The following PTPN2 variants were observed in gnomAD, a reference collection of about 807,000 sequenced individuals.
The protein encoded by PTPN2 is tyrosine-protein phosphatase non-receptor type 2.
PTPN2 carries 19 observed loss-of-function variants against 57.3 expected under a neutral mutation model. The observed-to-expected ratio is 0.33, with a 90% CI of 0.23 to 0.49. The LOEUF (loss-of-function observed/expected upper bound fraction) is 0.49. Ranked by LOEUF, PTPN2 falls within the 20% of genes least tolerant of loss-of-function variation. The pLI is 0.99. For missense variants in PTPN2, 358 were observed against 501.1 expected, an observed-to-expected ratio of 0.71 and a Z score of 2.73; for synonymous variants, 153 against 164.9, an observed-to-expected ratio of 0.93 and a Z score of 0.55.
intron 1 of PTPN2, among the ~76,000 whole-genome samples, chr18:12,883,161 AT>A (rs2044720112): frequency 6.6e-6 from 1 of 152,116 alleles, no homozygotes; most frequent in South Asian, 2.1e-4. Context: ...AGGAAAGGCT[AT>A]TTTGATTTGA....
intron 2 of PTPN2, among the ~76,000 whole-genome samples, chr18:12,855,885 T>C (rs1018565484): frequency 6.6e-6 from 1 of 152,236 alleles, no homozygotes; most frequent in African/African-American, 2.4e-5. Context: ...CAAAGTAATA[T>C]GCTTCACTAC....
At chr18:12,852,191 A>AACACACACAC (rs139964591) in intron 2 of PTPN2, among the ~76,000 whole-genome samples, 15,970 of 140,340 alleles carry the variant, frequency 0.11, 1,046 homozygotes, top group Non-Finnish European at 0.14. Context: ...ATGGGTTTTT[A>AACACACACAC]ACACACACAC....
At chr18:12,810,298 A>T (rs1303940185) in intron 7 of PTPN2, among the ~76,000 whole-genome samples, 1 of 151,934 alleles carries the variant, frequency 6.6e-6, no homozygotes, top group Non-Finnish European at 1.5e-5. Context: ...TGGGAGGCGG[A>T]GGTTGCAGTG....
At chr18:12,865,994 TTAA>T (rs1176347284) in intron 1 of PTPN2, among the ~76,000 whole-genome samples, 1 of 152,194 alleles carries the variant, frequency 6.6e-6, no homozygotes, top group African/African-American at 2.4e-5. Flanking sequence ...GGTAGCACTT[TTAA>T]TAATAGCTAA....
At chr18:12,810,688 TTAG>T (rs2041861697) in intron 7 of PTPN2, among the ~76,000 whole-genome samples, 1 of 152,174 alleles carries the variant, frequency 6.6e-6, no homozygotes, top group Non-Finnish European at 1.5e-5. Context: ...TGGAGAACAG[TTAG>T]TAGTACAGTT....
chr18:12,852,041 G>C (rs1489211167), intron 2 of PTPN2, among the ~76,000 whole-genome samples: 1 of 152,092 alleles, frequency 6.6e-6, no homozygotes, highest in Admixed American at 6.5e-5. Flanking sequence ...CCAGGGGCTG[G>C]GGGAAGAGGA....
intron 4 of PTPN2, among the ~76,000 whole-genome samples, chr18:12,827,392 AT>A (rs1235989794): frequency 3.3e-5 from 3 of 89,694 alleles, no homozygotes; most frequent in African/African-American, 1.0e-4. Flanking sequence ...AGGAAAATAA[AT>A]AATTTTTTTT....
At chr18:12,844,641 T>C (rs1287204380) in intron 2 of PTPN2, among the ~76,000 whole-genome samples, 13 of 152,202 alleles carry the variant, frequency 8.5e-5, no homozygotes, top group Admixed American at 8.5e-4. Context: ...GTTCTATATA[T>C]AGTCCAGATC....
At chr18:12,869,492 T>C (rs1050881768) in intron 1 of PTPN2, among the ~76,000 whole-genome samples, 6 of 152,234 alleles carry the variant, frequency 3.9e-5, no homozygotes, top group African/African-American at 1.4e-4. Context: ...TCTATATTAC[T>C]GCAACTTAAT....
chr18:12,842,406 G>A (rs77096167), intron 2 of PTPN2, among the ~76,000 whole-genome samples: 3,719 of 152,246 alleles, frequency 0.024, 160 homozygotes, highest in African/African-American at 0.084. Context: ...AAGTATATGA[G>A]TAATAAATGC....
intron 5 of PTPN2, among the ~76,000 whole-genome samples, chr18:12,825,390 T>C (rs1235934564): frequency 6.6e-6 from 1 of 152,044 alleles, no homozygotes; most frequent in African/African-American, 2.4e-5. Context: ...CACATCCTCA[T>C]TTGACCTTCA....
At chr18:12,874,108 G>A (rs1284168998) in intron 1 of PTPN2, among the ~76,000 whole-genome samples, 1 of 152,104 alleles carries the variant, frequency 6.6e-6, no homozygotes. Context: ...CCCTGTCTGG[G>A]AAGTGAGGAG....
At chr18:12,807,584 A>ATATAT (rs1555660747) in intron 7 of PTPN2, among the ~76,000 whole-genome samples, 32 of 55,006 alleles carry the variant, frequency 5.8e-4, no homozygotes, top group African/African-American at 1.5e-3. Flanking sequence ...AAAAAAAAAA[A>ATATAT]AAATATATAT....
intron 7 of PTPN2, among the ~76,000 whole-genome samples, chr18:12,807,586 A>AATATATATATATATATATAT (rs1339941310): frequency 8.5e-5 from 3 of 35,186 alleles, no homozygotes; most frequent in South Asian, 2.5e-3. Context: ...AAAAAAAAAA[A>AATATATATATATATATATAT]ATATATATAT....
intron 2 of PTPN2, among the ~76,000 whole-genome samples, chr18:12,847,253 G>A (rs76467933): frequency 1.1e-4 from 16 of 152,246 alleles, no homozygotes; most frequent in Non-Finnish European, 2.2e-4. Flanking sequence ...CACCCTCTGC[G>A]TGAATACCTC....
Position 12,794,102 on chromosome 18 carries a change from C to A in PTPN2, c.*176G>T, listed in dbSNP as rs2041072597. On this transcript the variant is annotated 3_prime_UTR_variant, in exon 9 of 9. Transcript: ENST00000309660. ...TTTACAGTTTGGGGTTCAGAGGAAC[C>A]TGCAGTCAAGAGTCCTGAGATGTTG... The A allele has an allele frequency of 7.0e-7, 1 of 1,434,380 alleles. No individual in the cohort carries two copies. The highest frequency in any genetic ancestry group is 1.5e-5 in the South Asian group (1 of 65,116). 88.9% of individuals were successfully genotyped at this position (1,434,380 alleles called of 1,614,324 possible).
intron 1 of PTPN2, chr18:12,883,856 T>G (rs1312010934): frequency 2.5e-5 from 12 of 480,012 alleles, no homozygotes; most frequent in Non-Finnish European, 4.4e-5. Flanking sequence ...CATGAGCTGC[T>G]CAGCTCAAGT....
chr18:12,814,094 AT>A, intron 7 of PTPN2, 108 bp downstream of exon 7: 1 of 928,988 alleles, frequency 1.1e-6, no homozygotes, highest in Non-Finnish European at 1.6e-6. Context: ...TACCACAAAA[AT>A]TCAAATACAC....
intron 2 of PTPN2, among the ~76,000 whole-genome samples, chr18:12,844,687 C>G (rs2043156737): frequency 6.6e-6 from 1 of 152,084 alleles, no homozygotes; most frequent in Non-Finnish European, 1.5e-5. Flanking sequence ...TACATTTTCT[C>G]CAAGTCTGTA....
Sources: gnomAD v4.1 joint callset for allele counts (sites outside exome capture counted in the v4.1 genomes callset) on GRCh38, gnomAD v4.1.1 for gene constraint, MANE v1.5 for transcripts, NCBI Gene and HGNC (gene_info 2026-07-23, HGNC 2026-07-21) for gene names.